The following MOB4 variants were observed in gnomAD, a reference collection of about 807,000 sequenced individuals.
MOB4 encodes the protein MOB family member 4, phocein, also known as MOB-like protein phocein.
In MOB4, 4 loss-of-function variants were observed where a neutral mutation model predicts 32.2. The ratio of observed to expected loss-of-function variants is 0.12; its 90% CI spans 0.06 to 0.28. MOB4 has a LOEUF of 0.28. MOB4 is among the 10% of genes least tolerant of loss of function. The pLI, the probability that MOB4 is intolerant of heterozygous loss-of-function variation, is 1.00. For synonymous variants in MOB4, 88 were observed against 88.1 expected (o/e 1.00, Z 0.01); for missense variants, 158 against 271.2 (o/e 0.58, Z 2.93).
At chr2:197,535,739 A>C (rs2086785893) in intron 3 of MOB4, 109 bp downstream of exon 3, 22 of 1,268,044 alleles carry the variant, frequency 1.7e-5, no homozygotes, top group Non-Finnish European at 2.2e-5. Flanking sequence ...CTAAGAAGCC[A>C]AATTTTAAAG....
chr2:197,540,238 C>T (rs540308215), intron 4 of MOB4, 85 bp downstream of exon 4: 233 of 1,515,380 alleles, frequency 1.5e-4, no homozygotes, highest in Non-Finnish European at 1.9e-4. Flanking sequence ...CTTACAAAAA[C>T]GTATCCACAT....
chr2:197,553,629 A>G lies in MOB4; in HGVS notation c.*2983A>G, dbSNP rs1559328491. 1 of 152,176 alleles carries G rather than the reference A, an allele frequency of 6.6e-6. No homozygotes were observed. 9.4% of individuals were successfully genotyped at this position (152,176 alleles called of 1,614,324 possible). On this transcript the variant is annotated 3_prime_UTR_variant, in exon 8 of 8. Transcript: ENST00000323303. ...ACTTTATTTTGTGAATCCTTGTTGA[A>G]TGTGCTAAAGGTTTCTTTGTGTAGT...
At chr2:197,535,292 A>G (rs1276288370) in intron 2 of MOB4, among the ~76,000 whole-genome samples, 2 of 152,112 alleles carry the variant, frequency 1.3e-5, no homozygotes, top group African/African-American at 2.4e-5. Flanking sequence ...GACAAATACA[A>G]TATCTGCATT....
At chr2:197,517,614 T>C (rs2086437795) in intron 1 of MOB4, among the ~76,000 whole-genome samples, 1 of 152,182 alleles carries the variant, frequency 6.6e-6, no homozygotes, top group African/African-American at 2.4e-5. Flanking sequence ...TATGTTGCTG[T>C]AAGTCACATA....
rs758793128 is a variant in MOB4 at position 197,550,507 on chromosome 2, C to T, written c.547-8C>T. 2.5e-6 allele frequency: 4 copies of T among 1,588,800 alleles called. No individual in the cohort carries two copies. The highest frequency in any genetic ancestry group is 1.8e-5 in the Admixed American group (1 of 54,188). On this transcript the variant is annotated splice_polypyrimidine_tract_variant and splice_region_variant and intron_variant, in intron 7 of 7. Transcript: ENST00000323303. ...ATTAAAATAACATTTTTGTCTTCCTCTCTACAGAATGAAACATTTTTGTGT... is the reference window on the plus strand; with the variant it reads ...ATTAAAATAACATTTTTGTCTTCCTTTCTACAGAATGAAACATTTTTGTGT...
intron 3 of MOB4, among the ~76,000 whole-genome samples, chr2:197,536,171 C>T (rs991139146): frequency 6.6e-6 from 1 of 152,078 alleles, no homozygotes; most frequent in Non-Finnish European, 1.5e-5. Context: ...AGTATTGAGC[C>T]ACCCTTTCTA....
intron 2 of MOB4, among the ~76,000 whole-genome samples, chr2:197,526,615 A>G (rs924227119): frequency 3.9e-5 from 6 of 152,110 alleles, no homozygotes; most frequent in Non-Finnish European, 8.8e-5. Context: ...CACGCCCAGC[A>G]TTAATTTTTC....
chr2:197,526,648 T>C (rs1019320953), intron 2 of MOB4, among the ~76,000 whole-genome samples: 1 of 152,208 alleles, frequency 6.6e-6, no homozygotes, highest in Non-Finnish European at 1.5e-5. Context: ...GTATTTTCTT[T>C]AAATGTTTAC....
At chr2:197,516,743 G>T (rs1355717454) in intron 1 of MOB4, 1 of 471,520 alleles carries the variant, frequency 2.1e-6, no homozygotes, top group African/African-American at 2.0e-5. Flanking sequence ...TCACTAAGTT[G>T]TGACTTGTTA....
chr2:197,552,660 T>A lies in MOB4; in HGVS notation c.*2014T>A, dbSNP rs1455415554. ...TGCTTTTGTATTCATGTTGATAATC[T>A]TACTAATTGTGAAGTTGATTCACTA... On this transcript the variant is annotated 3_prime_UTR_variant, in exon 8 of 8. Coordinates refer to ENST00000323303, the MANE Select transcript of MOB4 (RefSeq NM_015387.5). 1.3e-5 allele frequency: 2 copies of A among 152,372 alleles called. No homozygotes were observed. The highest frequency in any genetic ancestry group is 4.8e-5 in the African/African-American group (2 of 41,458). The allele number at this position is 152,372 out of a possible 1,614,324, so 9.4% of individuals were successfully genotyped here.
At chr2:197,516,262 A>G in intron 1 of MOB4, 116 bp downstream of exon 1, 1 of 1,485,438 alleles carries the variant, frequency 6.7e-7, no homozygotes, top group South Asian at 1.3e-5. Context: ...GGGCTGGGGC[A>G]CTGGTGCCCG....
intron 1 of MOB4, among the ~76,000 whole-genome samples, chr2:197,523,111 T>G (rs2086550217): frequency 6.6e-6 from 1 of 152,130 alleles, no homozygotes. Flanking sequence ...TTTTGGTGTC[T>G]GGAGTTTTTT....
At chr2:197,550,194 C>A in intron 6 of MOB4, 81 bp from the exon 7 acceptor site, 3 of 1,331,672 alleles carry the variant, frequency 2.3e-6, no homozygotes, top group Non-Finnish European at 3.0e-6. Flanking sequence ...AGTTTCTACA[C>A]TTGTAAGCGA....
chr2:197,539,014 C>A (rs1008136874), intron 3 of MOB4, among the ~76,000 whole-genome samples: 1 of 152,184 alleles, frequency 6.6e-6, no homozygotes, highest in African/African-American at 2.4e-5. Context: ...GAAGTTTTTC[C>A]ACCAAATTTG....
intron 5 of MOB4, among the ~76,000 whole-genome samples, chr2:197,545,657 CATAAT>C (rs2086981202): frequency 6.6e-6 from 1 of 152,122 alleles, no homozygotes; most frequent in African/African-American, 2.4e-5. Context: ...GCCTTGAAAA[CATAAT>C]AGAAGCCAGA....
At chr2:197,543,450 A>G (rs894125426) in intron 5 of MOB4, among the ~76,000 whole-genome samples, 5 of 149,406 alleles carry the variant, frequency 3.3e-5, no homozygotes, top group Middle Eastern at 3.2e-3. Flanking sequence ...TGATAAGGGA[A>G]AAAAAAAAAC....
intron 3 of MOB4, among the ~76,000 whole-genome samples, chr2:197,536,746 C>T (rs576732268): frequency 7.9e-5 from 12 of 151,490 alleles, no homozygotes; most frequent in Admixed American, 2.6e-4. Context: ...GGACTACAGG[C>T]GCAGCCATGC....
At chr2:197,535,756 C>A in intron 3 of MOB4, 126 bp downstream of exon 3, 1 of 1,036,122 alleles carries the variant, frequency 9.7e-7, no homozygotes, top group South Asian at 1.6e-5. Context: ...AAAGCTTTGG[C>A]ATTTTCAGTG....
Position 197,553,686 on chromosome 2 carries a change from G to A in MOB4, c.*3040G>A, listed in dbSNP as rs918911157. ...ATGCTATGCGAATATTTTAGTAAAA[G>A]TAGTTGATTTTTATTTCTTCAAGCA... is the stretch of plus-strand genomic sequence containing the variant. On this transcript the variant is annotated 3_prime_UTR_variant, in exon 8 of 8. Transcript: ENST00000323303. The A allele has an allele frequency of 4.6e-5, 7 of 152,142 alleles. No individual in the cohort carries two copies. Among genetic ancestry groups the A allele is most frequent in the African/African-American group, 1.7e-4 (7 of 41,432 alleles). The allele number at this position is 152,142 out of a possible 1,614,324, so 9.4% of individuals were successfully genotyped here. A position where few individuals can be genotyped will look rare whatever the true frequency, so the allele number is the denominator to read the frequency against.
Sources: gnomAD v4.1 joint callset for allele counts (sites outside exome capture counted in the v4.1 genomes callset) on GRCh38, gnomAD v4.1.1 for gene constraint, MANE v1.5 for transcripts, NCBI Gene and HGNC (gene_info 2026-07-23, HGNC 2026-07-21) for gene names.